AFF3: variants seen among roughly 807,000 people sequenced by gnomAD.
The protein encoded by AFF3 is AF4/FMR2 family member 3.
A neutral mutation model predicts 129.7 loss-of-function variants in AFF3; 32 were observed. That is an observed-to-expected ratio of 0.25 (90% CI 0.19 to 0.33). The LOEUF (loss-of-function observed/expected upper bound fraction) is 0.33. AFF3 is among the 10% of genes least tolerant of loss of function. The pLI, the probability that AFF3 is intolerant of heterozygous loss-of-function variation, is 1.00. For synonymous variants in AFF3, 644 were observed against 635.4 expected, an observed-to-expected ratio of 1.01 and a Z score of -0.20; for missense variants, 1,373 against 1,592.0, an observed-to-expected ratio of 0.86 and a Z score of 2.34.
chr2:99,714,331 A>C (rs1310216106), intron 11 of AFF3, among the ~76,000 whole-genome samples: 1 of 152,098 alleles, frequency 6.6e-6, no homozygotes, highest in East Asian at 1.9e-4. Flanking sequence ...GCAGGCCTCC[A>C]GTCTAATTTG....
chr2:99,926,263 G>C (rs1696230943), intron 7 of AFF3, among the ~76,000 whole-genome samples: 1 of 152,180 alleles, frequency 6.6e-6, no homozygotes, highest in South Asian at 2.1e-4. Context: ...GGGTGCAACA[G>C]CACAAAAGAA....
intron 11 of AFF3, among the ~76,000 whole-genome samples, chr2:99,685,353 C>T (rs1674952451): frequency 6.6e-6 from 1 of 152,202 alleles, no homozygotes; most frequent in African/African-American, 2.4e-5. Flanking sequence ...ACCCTGCCAA[C>T]ATGCCTCTCT....
At position 99,993,293 on chromosome 2, in the gene AFF3, G is replaced by T. The variant is rs1239131982; in HGVS notation, c.873+13339C>A. 5.9e-5 allele frequency among the ~76,000 whole-genome samples: 9 copies of T among 152,082 alleles called. No individual in the cohort carries two copies. In the South Asian group the frequency reaches 8.3e-4, roughly 14 times the overall value. The stretch of plus-strand genomic sequence containing the variant: ...GGTTCTGAAAAATGCCGCCTTAAAA[G>T]AAAGAACCAAAATTGAATAGTATAA... On this transcript the variant is annotated intron_variant, in intron 7 of 24. Coordinates refer to ENST00000672756, the MANE Select transcript of AFF3 (RefSeq NM_001386135.1).
At position 99,905,327 on chromosome 2, in the gene AFF3, G is replaced by A. The variant is rs1037548958; in HGVS notation, c.874-67803C>T. Among the ~76,000 whole-genome samples, 6 of 152,288 alleles carry A rather than the reference G, an allele frequency of 3.9e-5. No individual in the cohort carries two copies. In the South Asian group the frequency reaches 6.2e-4, roughly 16 times the overall value. On this transcript the variant is annotated intron_variant, in intron 7 of 24. Coordinates refer to ENST00000672756, the MANE Select transcript of AFF3 (RefSeq NM_001386135.1). Reference sequence around the variant, plus strand: ...GGGGAAAGGCTTCCAACAAGAACTTGCATAAGAGCTATCCTGGTCATGGTG... The same window carrying A: ...GGGGAAAGGCTTCCAACAAGAACTTACATAAGAGCTATCCTGGTCATGGTG...
chr2:99,856,496 AG>A (rs984103019), intron 7 of AFF3, among the ~76,000 whole-genome samples: 23 of 152,188 alleles, frequency 1.5e-4, no homozygotes, highest in African/African-American at 5.5e-4. Context: ...TCCAAACAAA[AG>A]GAACAAAACA....
chr2:99,677,263 C>CAA (rs386390727), intron 11 of AFF3, among the ~76,000 whole-genome samples: 52,517 of 104,930 alleles, frequency 0.5, 13,375 homozygotes, highest in South Asian at 0.69. Context: ...GACCCTGTCT[C>CAA]AAAAAAAAAA....
intron 18 of AFF3, among the ~76,000 whole-genome samples, chr2:99,576,066 C>T (rs530301013): frequency 8.6e-5 from 13 of 150,480 alleles, no homozygotes; most frequent in African/African-American, 2.9e-4. Context: ...GACACAGTCT[C>T]GCTGTTGCCC....
At chr2:100,105,915 C>CT in intron 2 of AFF3, 1 of 1,330,354 alleles carries the variant, frequency 7.5e-7, no homozygotes, top group Non-Finnish European at 1.0e-6. Flanking sequence ...TTCCAGCACT[C>CT]TCCCCTTTGT....
chr2:99,944,004 A>T (rs1675321847), intron 7 of AFF3, among the ~76,000 whole-genome samples: 1 of 151,980 alleles, frequency 6.6e-6, no homozygotes. Context: ...GGCTCAAGTA[A>T]TCCTCCTACC....
intron 17 of AFF3, among the ~76,000 whole-genome samples, chr2:99,579,282 G>A (rs532238974): frequency 3.3e-5 from 5 of 152,054 alleles, no homozygotes; most frequent in Admixed American, 3.3e-4. Flanking sequence ...ATACATGCCT[G>A]CAATCCCAGC....
intron 7 of AFF3, among the ~76,000 whole-genome samples, chr2:99,955,915 A>G (rs1407994400): frequency 6.6e-6 from 1 of 152,172 alleles, no homozygotes; most frequent in Non-Finnish European, 1.5e-5. Flanking sequence ...AAACTTCTTT[A>G]CACTGCTGCT....
chr2:99,711,664 C>A (rs933957389), intron 11 of AFF3, among the ~76,000 whole-genome samples: 1 of 152,186 alleles, frequency 6.6e-6, no homozygotes, highest in Non-Finnish European at 1.5e-5. Context: ...AGACGCACAG[C>A]GAATGTATGT....
Position 99,730,634 on chromosome 2 carries a change from C to A in AFF3, c.1040-3506G>T, listed in dbSNP as rs141016196. Among the ~76,000 whole-genome samples, 254 of 151,740 alleles carry A rather than the reference C, an allele frequency of 1.7e-3. 1 individual carries two copies. The highest frequency in any genetic ancestry group is 5.2e-3 in the African/African-American group (216 of 41,342). On this transcript the variant is annotated intron_variant, in intron 10 of 24. Coordinates refer to ENST00000672756, the MANE Select transcript of AFF3 (RefSeq NM_001386135.1). ...GTTCAAAGCGATTCTCCTGCCTCAGCCTCCCGAGTAGCTGGGACTACAGGT... is the reference window on the plus strand; with the variant it reads ...GTTCAAAGCGATTCTCCTGCCTCAGACTCCCGAGTAGCTGGGACTACAGGT...
intron 7 of AFF3, among the ~76,000 whole-genome samples, chr2:99,871,565 C>A (rs1691866716): frequency 6.7e-6 from 1 of 148,736 alleles, no homozygotes; most frequent in Non-Finnish European, 1.5e-5. Context: ...TGACTCTTAA[C>A]AACTAATCGA....
chr2:100,076,555 C>T (rs1688604758), intron 4 of AFF3, among the ~76,000 whole-genome samples: 1 of 152,178 alleles, frequency 6.6e-6, no homozygotes, highest in Admixed American at 6.5e-5. Context: ...CCCGGGAACC[C>T]ATTTCCCTTT....
intron 11 of AFF3, among the ~76,000 whole-genome samples, chr2:99,705,656 C>T (rs1677289901): frequency 6.6e-6 from 1 of 151,852 alleles, no homozygotes; most frequent in Non-Finnish European, 1.5e-5. Context: ...GGTGGATCAC[C>T]TGAGGTCACG....
chr2:99,558,942 C>A lies in AFF3; in HGVS notation c.3218G>T (p.Trp1073Leu), dbSNP rs759060092. The part of the protein sequence containing the change: ...LCYRCLALLY[W>L]RMFRLKRDHA... The stretch of plus-strand genomic sequence containing the variant: ...GTCCCTTTTGAGTCGAAACATCCGC[C>A]AGTACAGGAGGGCCAGGCATCGGTA... The change falls in exon 22 of 25, where the codon TGG becomes TTG. Residue 1073 changes from tryptophan (W) to leucine (L), a missense_variant. By Grantham distance (61) the Trp-to-Leu change is moderately conservative. This residue lies in a region of AFF3 where 165 missense variants were observed against 234.0 expected (regional missense o/e 0.71). Transcript: ENST00000672756. 11 of 1,614,150 alleles carry A rather than the reference C, an allele frequency of 6.8e-6. No homozygotes were observed. Among genetic ancestry groups the A allele is most frequent in the Non-Finnish European group, 8.5e-6 (10 of 1,180,020 alleles).
chr2:99,664,101 CA>C (rs1237112249), intron 12 of AFF3, among the ~76,000 whole-genome samples: 10 of 152,136 alleles, frequency 6.6e-5, no homozygotes, highest in African/African-American at 2.4e-4. Flanking sequence ...CATTGTTTCA[CA>C]AAAACATTGG....
intron 10 of AFF3, among the ~76,000 whole-genome samples, chr2:99,735,811 G>C (rs1680207601): frequency 6.6e-6 from 1 of 152,134 alleles, no homozygotes; most frequent in South Asian, 2.1e-4. Flanking sequence ...GAGTATTTCA[G>C]ATGCAAAGCT....
Sources: allele counts gnomAD v4.1 joint callset (sites outside exome capture counted in the v4.1 genomes callset), GRCh38; gene constraint gnomAD v4.1.1; regional missense constraint gnomAD v4.1.1; transcripts MANE v1.5; gene names NCBI Gene and HGNC (gene_info 2026-07-23, HGNC 2026-07-21).